LAMC2: variants seen among roughly 807,000 people sequenced by gnomAD.
LAMC2 encodes the protein laminin subunit gamma 2.
A neutral mutation model predicts 140.2 loss-of-function variants in LAMC2; 97 were observed. The observed-to-expected ratio is 0.69, with a 90% CI of 0.59 to 0.82. The LOEUF (loss-of-function observed/expected upper bound fraction) is 0.82, where lower values mean the gene tolerates loss of function less well. LAMC2 is among the 40% of genes least tolerant of loss of function. The probability of loss-of-function intolerance (pLI) is 0.00; values close to 1 mark genes in which losing one functional copy is unlikely to be tolerated. For synonymous variants in LAMC2, 513 were observed against 540.2 expected, an observed-to-expected ratio of 0.95 and a Z score of 0.70; for missense variants, 1,402 against 1,476.1, an observed-to-expected ratio of 0.95 and a Z score of 0.82.
intron 1 of LAMC2, among the ~76,000 whole-genome samples, chr1:183,197,740 G>T (rs1658566153): frequency 6.6e-6 from 1 of 152,070 alleles, no homozygotes; most frequent in South Asian, 2.1e-4. Context: ...TGGCAGACAT[G>T]AGGACCTGAA....
chr1:183,256,512 A>G, the LAMC2 span, among the ~76,000 whole-genome samples: 1 of 152,226 alleles, frequency 6.6e-6, no homozygotes, highest in Non-Finnish European at 1.5e-5. Flanking sequence ...TCAAGAAAGG[A>G]TGTTGAACTT....
At chr1:183,236,857 T>C (rs891904301) in intron 17 of LAMC2, among the ~76,000 whole-genome samples, 2 of 152,230 alleles carry the variant, frequency 1.3e-5, no homozygotes, top group African/African-American at 4.8e-5. Context: ...TCCTTAGTTC[T>C]GGGGATTGTT....
In LAMC2 at chr1:183,188,983, C is replaced by T. The variant is rs983151000; in HGVS notation, c.79+2552C>T. Among the ~76,000 whole-genome samples the T allele has an allele frequency of 2.0e-5, 3 of 152,288 alleles. No homozygotes were observed. The East Asian group carries it at 5.8e-4, about 29-fold the overall frequency. On this transcript the variant is annotated intron_variant, in intron 1 of 22. Coordinates refer to ENST00000264144, the MANE Select transcript of LAMC2 (RefSeq NM_005562.3). ...AAGCAGGAATTAGTGTGACTGGATTCATGTTTTAGAAAGGTCACTCACTCG... is the reference window on the plus strand; with the variant it reads ...AAGCAGGAATTAGTGTGACTGGATTTATGTTTTAGAAAGGTCACTCACTCG...
At chr1:183,241,823 A>G (rs1396484965) in intron 22 of LAMC2, among the ~76,000 whole-genome samples, 1 of 151,980 alleles carries the variant, frequency 6.6e-6, no homozygotes, top group Non-Finnish European at 1.5e-5. Context: ...AACCTTCCCA[A>G]TTGAGACTTT....
chr1:183,237,375 A>G lies in LAMC2; in HGVS notation c.2625A>G (p.Lys875=). The G allele has an allele frequency of 6.2e-7, 1 of 1,614,202 alleles. No homozygotes were observed. Among genetic ancestry groups the G allele is most frequent in the Non-Finnish European group, 8.5e-7 (1 of 1,180,030 alleles). The change falls in exon 18 of 23, where the codon AAA becomes AAG. Residue 875 remains lysine (K), a synonymous_variant. Transcript: ENST00000264144. The part of the protein sequence containing the change: ...SFQVEEAKRI[K]QKADSLSSLV... Reference sequence around the variant, plus strand: ...AGGTGGAAGAAGCAAAGAGGATCAAACAAAAAGCGGATTCACTCTCAAGCC... The same window carrying G: ...AGGTGGAAGAAGCAAAGAGGATCAAGCAAAAAGCGGATTCACTCTCAAGCC...
rs2102250205 is a variant in LAMC2 at position 183,238,417 on chromosome 1, C to T, written c.2865C>T (p.Leu955=). The change falls in exon 19 of 23, where the codon CTC becomes CTT. Residue 955 remains leucine, a synonymous_variant. Transcript: ENST00000264144. ...FYEVESILKN[L]REFDLQVDNR... ...AAGTTGAGAGCATCCTTAAAAACCTCAGAGGTTAGTACTTCATGGTTCAGG... is the reference window on the plus strand; with the variant it reads ...AAGTTGAGAGCATCCTTAAAAACCTTAGAGGTTAGTACTTCATGGTTCAGG... 1 of 1,602,830 alleles carries T rather than the reference C, an allele frequency of 6.2e-7. No individual in the cohort carries two copies. The highest frequency in any genetic ancestry group is 1.7e-5 in the Admixed American group (1 of 60,016).
chr1:183,252,470 G>A, the LAMC2 span: 1 of 601,976 alleles, frequency 1.7e-6, no homozygotes, highest in Non-Finnish European at 3.0e-6. Context: ...AAAGATGACT[G>A]TGGAATAGGG....
At chr1:183,212,523 C>T (rs1256979142) in intron 2 of LAMC2, among the ~76,000 whole-genome samples, 3 of 152,066 alleles carry the variant, frequency 2.0e-5, no homozygotes, top group African/African-American at 7.2e-5. Context: ...TGAGACTTCT[C>T]CCTCTCCAAT....
At chr1:183,205,104 T>A (rs1445964140) in intron 1 of LAMC2, among the ~76,000 whole-genome samples, 1 of 152,222 alleles carries the variant, frequency 6.6e-6, no homozygotes, top group Non-Finnish European at 1.5e-5. Flanking sequence ...ATTACAGGCG[T>A]GAACCACTGT....
the LAMC2 span, among the ~76,000 whole-genome samples, chr1:183,257,271 T>C: frequency 6.6e-6 from 1 of 151,894 alleles, no homozygotes; most frequent in Non-Finnish European, 1.5e-5. Flanking sequence ...TAAAACCCTG[T>C]CTCTACCAAA....
intron 22 of LAMC2, among the ~76,000 whole-genome samples, chr1:183,242,528 T>C (rs529162010): frequency 6.6e-6 from 1 of 152,328 alleles, no homozygotes; most frequent in Non-Finnish European, 1.5e-5. Flanking sequence ...TAACACATGC[T>C]TGAACAAACG....
chr1:183,253,290 G>C, the LAMC2 span, among the ~76,000 whole-genome samples: 3 of 146,254 alleles, frequency 2.1e-5, no homozygotes, highest in East Asian at 5.9e-4. Context: ...TTATATAATA[G>C]TGTTAATATT....
At chr1:183,235,817 T>C in intron 16 of LAMC2, 87 bp downstream of exon 16, 1 of 1,380,856 alleles carries the variant, frequency 7.2e-7, no homozygotes. Context: ...GGCACCATGC[T>C]AGTTGTAAAA....
rs746128573 is a variant in LAMC2, at chr1:183,234,370, A to G, written c.2224A>G (p.Ile742Val). 11 of 1,613,682 alleles carry G rather than the reference A, an allele frequency of 6.8e-6. No individual in the cohort carries two copies. Among genetic ancestry groups the G allele is most frequent in the South Asian group, 2.2e-5 (2 of 91,024 alleles). The part of the protein sequence containing the change: ...ESEASLGNTN[I>V]PASDHYVGPN... Reference sequence around the variant, plus strand: ...ACCGATTCTCCTTTTCCCACAGAACATTCCTGCCTCAGACCACTACGTGGG... The same window carrying G: ...ACCGATTCTCCTTTTCCCACAGAACGTTCCTGCCTCAGACCACTACGTGGG... Residue 742 changes from isoleucine to valine, a missense_variant, in exon 15 of 23, where the codon ATT becomes GTT. Ile to Val is a conservative substitution (Grantham distance 29). This residue lies in a region of LAMC2 where 670 missense variants were observed against 667.2 expected (regional missense o/e 1.00). Transcript: ENST00000264144.
chr1:183,250,122 A>G (rs1232705165), downstream of LAMC2: 2 of 152,120 alleles, frequency 1.3e-5, no homozygotes, highest in Non-Finnish European at 2.9e-5. Context: ...AAGTCCTTAA[A>G]CAAGCCATGT....
chr1:183,245,473 C>A (rs1464526883), downstream of LAMC2, among the ~76,000 whole-genome samples: 1 of 152,090 alleles, frequency 6.6e-6, no homozygotes, highest in Non-Finnish European at 1.5e-5. Flanking sequence ...TTTCAGAGGC[C>A]CTGCCATTTA....
intron 1 of LAMC2, among the ~76,000 whole-genome samples, chr1:183,198,118 C>T (rs948836353): frequency 2.3e-5 from 3 of 130,330 alleles, no homozygotes; most frequent in African/African-American, 7.9e-5. Context: ...GATAATTGAG[C>T]ATCATCTTTT....
intron 11 of LAMC2, among the ~76,000 whole-genome samples, chr1:183,229,024 T>C (rs1659720962): frequency 6.6e-6 from 1 of 152,146 alleles, no homozygotes; most frequent in Non-Finnish European, 1.5e-5. Flanking sequence ...GGGAGTGGGC[T>C]GTAAAATAGT....
In LAMC2 at chr1:183,243,389, G is replaced by T; in HGVS notation, c.3571G>T (p.Glu1191Ter). ...PPGCYNTQAL[E>*]QQ ...AGGCTGCTACAATACCCAGGCTCTT[G>T]AGCAACAGTGAAGCTGCCATAAATA... Residue 1191 changes from glutamate (E) to a stop codon, truncating the protein, a stop_gained, in exon 23 of 23, where the codon GAG becomes TAG. Transcript: ENST00000264144. LOFTEE classifies it high-confidence loss of function. 1 of 1,614,194 alleles carries T rather than the reference G, an allele frequency of 6.2e-7. No homozygotes were observed. Among genetic ancestry groups the T allele is most frequent in the Non-Finnish European group, 8.5e-7 (1 of 1,180,028 alleles).
Sources: gnomAD v4.1 joint callset for allele counts (sites outside exome capture counted in the v4.1 genomes callset) on GRCh38, gnomAD v4.1.1 for gene constraint, gnomAD v4.1.1 regional missense constraint, MANE v1.5 for transcripts, NCBI Gene and HGNC (gene_info 2026-07-23, HGNC 2026-07-21) for gene names.